Variants in UBL3 observed in about 807,000 individuals in gnomAD.
UBL3 encodes ubiquitin-like protein 3.
A neutral mutation model predicts 18.4 loss-of-function variants in UBL3; 6 were observed. That is an observed-to-expected ratio of 0.33 (90% confidence interval 0.18 to 0.64). The LOEUF (loss-of-function observed/expected upper bound fraction) is 0.64, where lower values mean the gene tolerates loss of function less well. Ranked by LOEUF, UBL3 falls within the 30% of genes least tolerant of loss-of-function variation. The probability of loss-of-function intolerance (pLI) is 0.76; values close to 1 mark genes in which losing one functional copy is unlikely to be tolerated. For missense variants in UBL3, 109 were observed against 142.9 expected, an observed-to-expected ratio of 0.76 and a Z score of 1.21; for synonymous variants, 49 against 46.6, an observed-to-expected ratio of 1.05 and a Z score of -0.21.
chr13:29,812,687 C>A (rs886320910), intron 1 of UBL3, among the ~76,000 whole-genome samples: 5 of 151,928 alleles, frequency 3.3e-5, no homozygotes, highest in Non-Finnish European at 7.4e-5. Flanking sequence ...ATGTTTGGAA[C>A]TTGGATATAT....
rs563717108 is a variant in UBL3 at position 29,811,219 on chromosome 13, C to G, written c.28-33956G>C. On this transcript the variant is annotated intron_variant, in intron 1 of 4. Transcript: ENST00000380680. Reference sequence around the variant, plus strand: ...CGAGGGTACTTCTCAGGCCACTGTACTAGCCCTGGACTGCCACTTTCCAAA... The same window carrying G: ...CGAGGGTACTTCTCAGGCCACTGTAGTAGCCCTGGACTGCCACTTTCCAAA... 1.9e-4 allele frequency among the ~76,000 whole-genome samples: 29 copies of G among 152,206 alleles called. No homozygotes were observed. The South Asian group carries it at 5.6e-3, about 29-fold the overall frequency.
At chr13:29,775,702 G>A (rs1056192259) in intron 2 of UBL3, among the ~76,000 whole-genome samples, 1 of 152,060 alleles carries the variant, frequency 6.6e-6, no homozygotes, top group East Asian at 1.9e-4. Flanking sequence ...TGCAAGCTCT[G>A]CCTCTCGGGT....
At chr13:29,832,839 T>C (rs1878817492) in intron 1 of UBL3, among the ~76,000 whole-genome samples, 1 of 152,218 alleles carries the variant, frequency 6.6e-6, no homozygotes, top group Non-Finnish European at 1.5e-5. Context: ...ATACTTACAG[T>C]GTCTAGCTGC....
intron 1 of UBL3, among the ~76,000 whole-genome samples, chr13:29,840,873 C>G (rs764615735): frequency 1.3e-5 from 2 of 152,016 alleles, no homozygotes; most frequent in Non-Finnish European, 2.9e-5. Context: ...ATAATCGGTT[C>G]AAAATTATAA....
At chr13:29,810,009 A>G (rs1878000398) in intron 1 of UBL3, among the ~76,000 whole-genome samples, 1 of 152,088 alleles carries the variant, frequency 6.6e-6, no homozygotes, top group Admixed American at 6.6e-5. Flanking sequence ...GATATTTTCA[A>G]TTCACAGTTG....
At chr13:29,810,504 TA>T (rs1400344542) in intron 1 of UBL3, among the ~76,000 whole-genome samples, 1 of 152,094 alleles carries the variant, frequency 6.6e-6, no homozygotes, top group Non-Finnish European at 1.5e-5. Context: ...AGAAAGTGTT[TA>T]AAAGGCCAGA....
chr13:29,774,542 C>G (rs1338509953), intron 2 of UBL3, among the ~76,000 whole-genome samples: 2 of 151,834 alleles, frequency 1.3e-5, no homozygotes, highest in Non-Finnish European at 2.9e-5. Flanking sequence ...TTCTTAGATC[C>G]CAAATATCTT....
intron 1 of UBL3, among the ~76,000 whole-genome samples, chr13:29,800,213 T>G (rs1192513910): frequency 6.6e-6 from 1 of 152,252 alleles, no homozygotes; most frequent in African/African-American, 2.4e-5. Flanking sequence ...TTTTAAGATA[T>G]ATTTTGAAAT....
At position 29,835,107 on chromosome 13, in the gene UBL3, A is replaced by AAT. The variant is rs777840058; in HGVS notation, c.27+14403_27+14404dup. On this transcript the variant is annotated intron_variant, in intron 1 of 4. Coordinates refer to ENST00000380680, the MANE Select transcript of UBL3 (RefSeq NM_007106.4). The stretch of plus-strand genomic sequence containing the variant: ...AAATATAAATATATATATATATATA[A>AAT]ATATATATATATATATAAATATATA... 1.5e-3 allele frequency among the ~76,000 whole-genome samples: 36 copies of AAT among 23,794 alleles called. 2 individuals carry two copies. Among genetic ancestry groups the AAT allele is most frequent in the Non-Finnish European group, 2.2e-3 (31 of 14,034 alleles). The allele number at this position is 23,794 out of a possible 152,430, so 15.6% of individuals were successfully genotyped here.
Position 29,835,115 on chromosome 13 carries a change from T to A in UBL3, c.27+14397A>T, listed in dbSNP as rs1295751923. On this transcript the variant is annotated intron_variant, in intron 1 of 4. Coordinates refer to ENST00000380680, the MANE Select transcript of UBL3 (RefSeq NM_007106.4). ...ATATATATATATATATAAATATATA[T>A]ATATATATAAATATATATATATATA... Among the ~76,000 whole-genome samples, 77 of 25,796 alleles carry A rather than the reference T, an allele frequency of 3.0e-3. 6 individuals carry two copies. The highest frequency in any genetic ancestry group is 0.026 in the Admixed American group (48 of 1,824). The allele number at this position is 25,796 out of a possible 152,430, so 16.9% of individuals were successfully genotyped here.
At chr13:29,784,676 T>A (rs1877263146) in intron 1 of UBL3, among the ~76,000 whole-genome samples, 1 of 151,822 alleles carries the variant, frequency 6.6e-6, no homozygotes, top group African/African-American at 2.4e-5. Flanking sequence ...ATTATAGAGA[T>A]GGAGAATGGC....
chr13:29,839,554 TAAG>T (rs1800204034), intron 1 of UBL3, among the ~76,000 whole-genome samples: 2 of 152,190 alleles, frequency 1.3e-5, no homozygotes, highest in Admixed American at 1.3e-4. Flanking sequence ...CTTGGGAGGC[TAAG>T]GAGGAAGGAG....
At position 29,777,270 on chromosome 13, in the gene UBL3, G is replaced by C. The variant is rs765356683; in HGVS notation, c.28-7C>G. The C allele has an allele frequency of 5.6e-6, 9 of 1,597,054 alleles. No individual in the cohort carries two copies. The highest frequency in any genetic ancestry group is 7.7e-6 in the Non-Finnish European group (9 of 1,172,038). On this transcript the variant is annotated splice_polypyrimidine_tract_variant and splice_region_variant and intron_variant, in intron 1 of 4. Coordinates refer to ENST00000380680, the MANE Select transcript of UBL3 (RefSeq NM_007106.4). ...AAATGAGGCGCAAATTTATCTGAAA[G>C]AAGACAATGATTCTTTTAACATAAA...
chr13:29,841,494 T>C (rs1593678387), intron 1 of UBL3, among the ~76,000 whole-genome samples: 1 of 152,284 alleles, frequency 6.6e-6, no homozygotes. Context: ...ATTTTACCAA[T>C]TAGTAAGACA....
At chr13:29,791,430 C>T (rs1405424958) in intron 1 of UBL3, among the ~76,000 whole-genome samples, 1 of 152,184 alleles carries the variant, frequency 6.6e-6, no homozygotes, top group Admixed American at 6.5e-5. Flanking sequence ...AGATGGTAAA[C>T]TGGGACACTA....
At chr13:29,822,710 G>A (rs746596963) in intron 1 of UBL3, among the ~76,000 whole-genome samples, 2 of 152,068 alleles carry the variant, frequency 1.3e-5, no homozygotes, top group Non-Finnish European at 2.9e-5. Context: ...GCCAAAGACT[G>A]CATTTTAAAA....
At chr13:29,812,071 T>C (rs1178589982) in intron 1 of UBL3, among the ~76,000 whole-genome samples, 1 of 152,020 alleles carries the variant, frequency 6.6e-6, no homozygotes, top group Non-Finnish European at 1.5e-5. Flanking sequence ...TCTTATCAAT[T>C]TGTAAAAGGC....
At chr13:29,801,636 T>C (rs1196026611) in intron 1 of UBL3, among the ~76,000 whole-genome samples, 3 of 152,084 alleles carry the variant, frequency 2.0e-5, no homozygotes, top group Admixed American at 6.5e-5. Flanking sequence ...ACCACTTCAG[T>C]TGTACTGCCC....
chr13:29,820,191 T>C (rs1878393612), intron 1 of UBL3, among the ~76,000 whole-genome samples: 1 of 131,442 alleles, frequency 7.6e-6, no homozygotes, highest in African/African-American at 2.9e-5. Flanking sequence ...TTTTTTTTTT[T>C]TGAGATGGAG....
Sources: allele counts gnomAD v4.1 joint callset (sites outside exome capture counted in the v4.1 genomes callset), GRCh38; gene constraint gnomAD v4.1.1; transcripts MANE v1.5; gene names NCBI Gene and HGNC (gene_info 2026-07-23, HGNC 2026-07-21).